The following MYMX variants were observed in gnomAD, a reference collection of about 807,000 sequenced individuals.
MYMX encodes protein myomixer.
chr6:44,196,304 TC>T, the MYMX span, among the ~76,000 whole-genome samples: 3 of 151,864 alleles, frequency 2.0e-5, no homozygotes, highest in African/African-American at 7.3e-5. Context: ...ATTGCTGGGT[TC>T]CAGGGAAATA....
chr6:44,198,426 A>G, the MYMX span, among the ~76,000 whole-genome samples: 1 of 152,080 alleles, frequency 6.6e-6, no homozygotes, highest in South Asian at 2.1e-4. Flanking sequence ...CGGCCTCCCA[A>G]AGTGCTGGGA....
the MYMX span, among the ~76,000 whole-genome samples, chr6:44,206,175 A>G: frequency 1.3e-5 from 2 of 151,686 alleles, no homozygotes; most frequent in African/African-American, 4.8e-5. Context: ...GTATGGTCAA[A>G]GTGAGATTGG....
At chr6:44,213,264 T>TAGTC (rs1775693257), upstream of MYMX, among the ~76,000 whole-genome samples, 1 of 151,434 alleles carries the variant, frequency 6.6e-6, no homozygotes, top group African/African-American at 2.4e-5. Context: ...CGCATGCCTG[T>TAGTC]AGTCCCAGCT....
upstream of MYMX, among the ~76,000 whole-genome samples, chr6:44,215,152 G>T (rs1775792838): frequency 6.6e-6 from 1 of 152,144 alleles, no homozygotes; most frequent in South Asian, 2.1e-4. Context: ...CGGCTGGTGG[G>T]GATGATGACA....
the MYMX span, among the ~76,000 whole-genome samples, chr6:44,204,480 G>A: frequency 6.6e-6 from 1 of 152,140 alleles, no homozygotes; most frequent in South Asian, 2.1e-4. Flanking sequence ...ATACCTCTTT[G>A]GGATATTGAT....
the MYMX span, among the ~76,000 whole-genome samples, chr6:44,199,973 C>A: frequency 1.3e-5 from 2 of 152,106 alleles, no homozygotes; most frequent in African/African-American, 4.8e-5. Context: ...GCATGAGCCA[C>A]CGTGCCCGGT....
chr6:44,208,305 G>T, the MYMX span, among the ~76,000 whole-genome samples: 4 of 151,170 alleles, frequency 2.6e-5, no homozygotes, highest in Non-Finnish European at 5.9e-5. Context: ...CTAAACAACT[G>T]TCTTATTAAT....
chr6:44,193,672 G>C, the MYMX span, among the ~76,000 whole-genome samples: 4 of 152,144 alleles, frequency 2.6e-5, no homozygotes, highest in Non-Finnish European at 4.4e-5. Flanking sequence ...CTCTCTTCTA[G>C]CATGATTCTA....
chr6:44,203,664 A>C, the MYMX span, among the ~76,000 whole-genome samples: 1 of 152,110 alleles, frequency 6.6e-6, no homozygotes, highest in Non-Finnish European at 1.5e-5. Flanking sequence ...AAAATAAGGC[A>C]GTTTTTGTGT....
chr6:44,205,529 G>A, the MYMX span, among the ~76,000 whole-genome samples: 52,285 of 151,738 alleles, frequency 0.34, 9,399 homozygotes, highest in South Asian at 0.43. Context: ...AAAAATTAGC[G>A]GCTGGGGGCG....
chr6:44,199,420 A>C, the MYMX span, among the ~76,000 whole-genome samples: 1 of 151,372 alleles, frequency 6.6e-6, no homozygotes, highest in African/African-American at 2.4e-5. Context: ...CTGATCTCGA[A>C]CTCCTCGGCT....
At chr6:44,208,258 A>AG in the MYMX span, among the ~76,000 whole-genome samples, 13 of 151,652 alleles carry the variant, frequency 8.6e-5, no homozygotes, top group African/African-American at 2.7e-4. Context: ...AAAAAAAAAA[A>AG]AAAGAAAGAA....
chr6:44,200,312 T>A, the MYMX span, among the ~76,000 whole-genome samples: 1 of 152,104 alleles, frequency 6.6e-6, no homozygotes, highest in Non-Finnish European at 1.5e-5. Flanking sequence ...GTTTTTTTTA[T>A]TTTATTTTAT....
chr6:44,217,976 C>G lies in MYMX; in HGVS notation c.*250C>G, dbSNP rs1402439439. The G allele has an allele frequency of 8.5e-6, 3 of 351,144 alleles. No homozygotes were observed. Among genetic ancestry groups the G allele is most frequent in the Non-Finnish European group, 1.5e-5 (3 of 196,062 alleles). 21.8% of individuals were successfully genotyped at this position (351,144 alleles called of 1,614,324 possible). A position where few individuals can be genotyped will look rare whatever the true frequency, so the allele number is the denominator to read the frequency against. On this transcript the variant is annotated 3_prime_UTR_variant, in exon 2 of 2. Transcript: ENST00000573382. Reference sequence around the variant, plus strand: ...CCAGCAGTTCCTCCCAAAGACCACTCCTAATCACCTCTGGCCTCAGGCGGG... The same window carrying G: ...CCAGCAGTTCCTCCCAAAGACCACTGCTAATCACCTCTGGCCTCAGGCGGG...
the MYMX span, among the ~76,000 whole-genome samples, chr6:44,203,794 T>C: frequency 6.6e-6 from 1 of 152,190 alleles, no homozygotes; most frequent in Non-Finnish European, 1.5e-5. Flanking sequence ...ACAAAATTGT[T>C]CCTACTCTCA....
chr6:44,198,742 C>G, the MYMX span, among the ~76,000 whole-genome samples: 15 of 151,546 alleles, frequency 9.9e-5, no homozygotes, highest in Non-Finnish European at 1.9e-4. Context: ...TGGTCTGTCG[C>G]CCAGGCTGGA....
chr6:44,212,156 G>GA (rs1775624522), upstream of MYMX, among the ~76,000 whole-genome samples: 1 of 151,298 alleles, frequency 6.6e-6, no homozygotes, highest in Admixed American at 6.6e-5. Context: ...GCTGAGGCGG[G>GA]AGGGTCACTT....
the MYMX span, among the ~76,000 whole-genome samples, chr6:44,200,276 T>G: frequency 6.6e-6 from 1 of 152,164 alleles, no homozygotes; most frequent in Non-Finnish European, 1.5e-5. Flanking sequence ...CATAAAAAAT[T>G]TGTTTCTCCA....
At chr6:44,203,697 T>C in the MYMX span, among the ~76,000 whole-genome samples, 1 of 152,144 alleles carries the variant, frequency 6.6e-6, no homozygotes, top group Non-Finnish European at 1.5e-5. Context: ...AAGCTTAACT[T>C]TTCCCTTTGT....
Sources: allele counts gnomAD v4.1 joint callset (sites outside exome capture counted in the v4.1 genomes callset), GRCh38; gene constraint gnomAD v4.1.1; transcripts MANE v1.5; gene names NCBI Gene and HGNC (gene_info 2026-07-23, HGNC 2026-07-21).